Variants in MLLT10 observed in about 807,000 individuals in gnomAD.
The protein encoded by MLLT10 is protein AF-10.
In MLLT10, 30 loss-of-function variants were observed where a neutral mutation model predicts 129.1. The observed-to-expected ratio is 0.23, with a 90% CI of 0.17 to 0.32. The LOEUF (loss-of-function observed/expected upper bound fraction) is 0.32. MLLT10 is among the 10% of genes least tolerant of loss of function. The probability of loss-of-function intolerance (pLI) is 1.00; values close to 1 mark genes in which losing one functional copy is unlikely to be tolerated. For missense variants in MLLT10, 1,119 were observed against 1,268.3 expected, an observed-to-expected ratio of 0.88 and a Z score of 1.79; for synonymous variants, 490 against 446.4, an observed-to-expected ratio of 1.10 and a Z score of -1.23.
chr10:21,738,625 C>T (rs1026553788), intron 21 of MLLT10: 2 of 1,147,762 alleles, frequency 1.7e-6, no homozygotes, highest in Non-Finnish European at 2.2e-6. Context: ...TCTGCTTCCC[C>T]CAGATGACTT....
At chr10:21,716,265 C>T (rs1212999695) in intron 14 of MLLT10, among the ~76,000 whole-genome samples, 1 of 152,172 alleles carries the variant, frequency 6.6e-6, no homozygotes, top group African/African-American at 2.4e-5. Flanking sequence ...CATATAGACC[C>T]TGTTTGTTTT....
At chr10:21,682,161 A>G in intron 12 of MLLT10, 64 bp from the exon 13 acceptor site, 8 of 1,326,224 alleles carry the variant, frequency 6.0e-6, no homozygotes, top group East Asian at 4.7e-5. Flanking sequence ...GTGTATGGCT[A>G]TGTATTTCTT....
chr10:21,674,327 C>T (rs2051833237), intron 11 of MLLT10, among the ~76,000 whole-genome samples: 1 of 151,352 alleles, frequency 6.6e-6, no homozygotes, highest in Non-Finnish European at 1.5e-5. Flanking sequence ...TTTCTCTAAA[C>T]TTCAATTTTA....
intron 9 of MLLT10, among the ~76,000 whole-genome samples, chr10:21,665,224 G>A (rs2131359297): frequency 6.6e-6 from 1 of 150,662 alleles, no homozygotes; most frequent in East Asian, 2.0e-4. Flanking sequence ...GGGATTACAG[G>A]CGCGAGCCAC....
intron 13 of MLLT10, among the ~76,000 whole-genome samples, chr10:21,691,994 A>C (rs1392097998): frequency 7.5e-6 from 1 of 133,126 alleles, no homozygotes; most frequent in Non-Finnish European, 1.6e-5. Flanking sequence ...GTGAAACCTC[A>C]TATCTACAAA....
intron 14 of MLLT10, among the ~76,000 whole-genome samples, chr10:21,724,107 G>A (rs1364218915): frequency 6.6e-6 from 1 of 152,174 alleles, no homozygotes; most frequent in African/African-American, 2.4e-5. Context: ...TTTCCCGAGG[G>A]ACAGTTGATT....
At chr10:21,595,178 C>T (rs142887441) in intron 4 of MLLT10, among the ~76,000 whole-genome samples, 153 bp from the exon 5 acceptor site, 1 of 152,160 alleles carries the variant, frequency 6.6e-6, no homozygotes, top group East Asian at 1.9e-4. Context: ...TGAGTATTCT[C>T]AAGCAATGGA....
In MLLT10 at chr10:21,733,835, A is replaced by G. The variant is rs778569463; in HGVS notation, c.2564A>G (p.Gln855Arg). Residue 855 changes from glutamine to arginine, a missense_variant, in exon 20 of 23, where the codon CAG (glutamine) becomes CGG (arginine). Transcript: ENST00000307729. Reference sequence around the variant, plus strand: ...CTTTCTACCCCACCTCCTGCTGGGCAGAGTCCGGCTCAACAAGGCTCAGGA... The same window carrying G: ...CTTTCTACCCCACCTCCTGCTGGGCGGAGTCCGGCTCAACAAGGCTCAGGA... Reference protein sequence around the residue: ...SALSTPPPAGQSPAQQGSGVS... With the variant: ...SALSTPPPAGRSPAQQGSGVS... 8 of 1,614,082 alleles carry G rather than the reference A, an allele frequency of 5.0e-6. No individual in the cohort carries two copies. The African/African-American group carries it at 8.0e-5, about 16-fold the overall frequency.
chr10:21,625,728 C>T, intron 8 of MLLT10: 1 of 768,964 alleles, frequency 1.3e-6, no homozygotes, highest in Non-Finnish European at 2.4e-6. Context: ...CAGAAATGCG[C>T]ACTCCATGTT....
intron 8 of MLLT10, among the ~76,000 whole-genome samples, chr10:21,631,932 GTTTT>G (rs35117253): frequency 7.6e-6 from 1 of 132,256 alleles, no homozygotes; most frequent in Non-Finnish European, 1.6e-5. Context: ...TTTTTTTTTG[GTTTT>G]TTTTTTTTTT....
At chr10:21,670,734 G>A in intron 10 of MLLT10, 30 bp downstream of exon 10, 1 of 1,590,656 alleles carries the variant, frequency 6.3e-7, no homozygotes, top group Non-Finnish European at 8.5e-7. Flanking sequence ...TAAAATACTT[G>A]TGTTTAAGAT....
At chr10:21,726,413 TC>T in intron 15 of MLLT10, 58 bp downstream of exon 15, 1 of 1,255,686 alleles carries the variant, frequency 8.0e-7, no homozygotes, top group Non-Finnish European at 1.1e-6. Flanking sequence ...TTAATTTTTT[TC>T]CCCTTTTGGT....
intron 13 of MLLT10, among the ~76,000 whole-genome samples, chr10:21,698,368 G>C (rs1480566580): frequency 6.6e-6 from 1 of 152,136 alleles, no homozygotes; most frequent in African/African-American, 2.4e-5. Context: ...ATGATCTCCA[G>C]TTCCATCCAT....
chr10:21,575,656 G>T (rs2040654514), intron 3 of MLLT10, among the ~76,000 whole-genome samples: 1 of 152,008 alleles, frequency 6.6e-6, no homozygotes, highest in Admixed American at 6.6e-5. Flanking sequence ...GTTTATAGTG[G>T]TTTTAACATT....
chr10:21,720,305 C>T (rs1357668328), intron 14 of MLLT10, among the ~76,000 whole-genome samples: 1 of 152,222 alleles, frequency 6.6e-6, no homozygotes, highest in African/African-American at 2.4e-5. Context: ...ACAGCTTCAA[C>T]AGTCAGCCTA....
At chr10:21,608,726 G>A (rs1476451327) in intron 5 of MLLT10, among the ~76,000 whole-genome samples, 2 of 151,996 alleles carry the variant, frequency 1.3e-5, no homozygotes, top group African/African-American at 4.8e-5. Context: ...GTTAGGTTAT[G>A]TAATCTCTAT....
In MLLT10 at chr10:21,617,198, A is replaced by G. The variant is rs533747677; in HGVS notation, c.690A>G (p.Lys230=). ...SSHSQDKHHE[K]EKKKYKEKDK... ...ACTCTCAGGATAAACATCATGAGAA[A>G]GAGAAAAAAGTAAGTGGATTTGTTG... is the stretch of plus-strand genomic sequence containing the variant. The change falls in exon 8 of 23, where the codon AAA becomes AAG. Residue 230 remains lysine (K), a synonymous_variant. Coordinates refer to ENST00000307729, the MANE Select transcript of MLLT10 (RefSeq NM_001195626.3). The G allele has an allele frequency of 1.5e-5, 22 of 1,507,368 alleles. No homozygotes were observed. The East Asian group carries it at 4.1e-4, about 28-fold the overall frequency. 93.4% of individuals were successfully genotyped at this position (1,507,368 alleles called of 1,614,324 possible). A position where few individuals can be genotyped will look rare whatever the true frequency, so the allele number is the denominator to read the frequency against.
intron 9 of MLLT10, 133 bp downstream of exon 9, chr10:21,651,901 TTC>T: frequency 1.3e-4 from 54 of 423,394 alleles, no homozygotes; most frequent in Middle Eastern, 6.8e-4. Flanking sequence ...GAATTCTCAT[TTC>T]TTTTTTTTTT....
intron 10 of MLLT10, among the ~76,000 whole-genome samples, chr10:21,671,596 G>A (rs1196297997): frequency 6.6e-6 from 1 of 152,152 alleles, no homozygotes; most frequent in African/African-American, 2.4e-5. Context: ...GACCAGCCTA[G>A]GCAACATGGC....
Sources: gnomAD v4.1 joint callset for allele counts (sites outside exome capture counted in the v4.1 genomes callset) on GRCh38, gnomAD v4.1.1 for gene constraint, MANE v1.5 for transcripts, NCBI Gene and HGNC (gene_info 2026-07-23, HGNC 2026-07-21) for gene names.